ANKRD30B: variants seen among roughly 807,000 people sequenced by gnomAD.
ANKRD30B encodes the protein ankyrin repeat domain 30B.
In ANKRD30B, 144 loss-of-function variants were observed where a neutral mutation model predicts 202.2. The observed-to-expected ratio is 0.71, with a 90% CI of 0.62 to 0.82. The LOEUF (loss-of-function observed/expected upper bound fraction) is 0.82. Ranked by LOEUF, ANKRD30B falls within the 40% of genes least tolerant of loss-of-function variation. The pLI, the probability that ANKRD30B is intolerant of heterozygous loss-of-function variation, is 0.00. For missense variants in ANKRD30B, 1,487 were observed against 1,669.1 expected (o/e 0.89, Z 1.90); for synonymous variants, 508 against 561.3 (o/e 0.91, Z 1.34).
Position 14,808,559 on chromosome 18 carries a change from G to A in ANKRD30B, c.2293G>A (p.Asp765Asn), listed in dbSNP as rs566667663. ...TLSGKLEESP[D>N]KDGLLKPTCG... ...TGTCCCTTTTCTTTTAGAGTCTCCT[G>A]ATAAAGATGGTCTTCTGAAGGTAAT... is the stretch of plus-strand genomic sequence containing the variant. The change falls in exon 25 of 44, where the codon GAT becomes AAT. Residue 765 changes from aspartate to asparagine, a missense_variant. Around this residue, in one of 6 missense-constraint regions of ANKRD30B, gnomAD observed 218 missense variants for 320.1 expected, o/e 0.68. Transcript: ENST00000690538. 9.0e-5 allele frequency: 137 copies of A among 1,523,724 alleles called. 11 individuals carry two copies. In the African/African-American group the frequency reaches 1.7e-3, roughly 18 times the overall value. The allele number at this position is 1,523,724 out of a possible 1,614,324, so 94.4% of individuals were successfully genotyped here. A position where few individuals can be genotyped will look rare whatever the true frequency, so the allele number is the denominator to read the frequency against.
At chr18:14,910,862 A>G in the ANKRD30B span, among the ~76,000 whole-genome samples, 1 of 151,966 alleles carries the variant, frequency 6.6e-6, no homozygotes, top group Non-Finnish European at 1.5e-5. Context: ...TTCCATTTGC[A>G]TTTCTCTAAT....
Position 14,848,773 on chromosome 18 carries a change from A to T in ANKRD30B, c.3239A>T (p.Glu1080Val), listed in dbSNP as rs1259009932. The T allele has an allele frequency of 6.4e-7, 1 of 1,572,420 alleles. No homozygotes were observed. Among genetic ancestry groups the T allele is most frequent in the Admixed American group, 1.8e-5 (1 of 54,362 alleles). The change falls in exon 40 of 44, where the codon GAA (glutamate) becomes GTA (valine). Residue 1080 changes from glutamate (E) to valine (V), a missense_variant. Glu to Val is a moderately radical substitution (Grantham distance 121, BLOSUM62 -2). Transcript: ENST00000690538. ...DALPSCERGR[E>V]LKKDNCEQIT... ...CTTCCTTCTTGTGAAAGAGGAAGGG[A>T]ACTTAAAAAAGATAACTGTGAACAA...
chr18:14,910,985 C>CA, the ANKRD30B span, among the ~76,000 whole-genome samples: 2 of 151,924 alleles, frequency 1.3e-5, no homozygotes, highest in East Asian at 3.9e-4. Context: ...TTTTTATTCT[C>CA]ATTGAACTGT....
At chr18:14,864,210 C>G in the ANKRD30B span, among the ~76,000 whole-genome samples, 4 of 151,996 alleles carry the variant, frequency 2.6e-5, no homozygotes, top group African/African-American at 9.7e-5. Flanking sequence ...TGGTGCATGC[C>G]TGTAATCCCA....
Position 14,757,919 on chromosome 18 carries a change from C to G in ANKRD30B, c.722C>G (p.Ala241Gly). The G allele has an allele frequency of 2.5e-6, 4 of 1,607,984 alleles. No homozygotes were observed. The highest frequency in any genetic ancestry group is 2.5e-6 in the Non-Finnish European group (3 of 1,176,648). Residue 241 changes from alanine to glycine, a missense_variant, in exon 5 of 44, where the codon GCA becomes GGA. Ala to Gly is a moderately conservative substitution (Grantham distance 60, BLOSUM62 0). Around this residue, in one of 6 missense-constraint regions of ANKRD30B, gnomAD observed 889 missense variants for 841.4 expected, o/e 1.06. Transcript: ENST00000690538. ...VFAEDIHGIT[A>G]ERYAAACGVN... ...GCTGAAGACATACATGGAATAACTG[C>G]AGAACGTTATGCTGCTGCTTGTGGA...
the ANKRD30B span, among the ~76,000 whole-genome samples, chr18:14,914,943 G>A: frequency 6.6e-6 from 1 of 152,304 alleles, no homozygotes; most frequent in Non-Finnish European, 1.5e-5. Flanking sequence ...CCACAGGCTT[G>A]TATGACATAC....
chr18:14,836,865 C>G (rs1971197328), intron 34 of ANKRD30B, among the ~76,000 whole-genome samples: 1 of 151,780 alleles, frequency 6.6e-6, no homozygotes, highest in African/African-American at 2.4e-5. Flanking sequence ...CAATATGGCC[C>G]CATTATGGCA....
At position 14,798,192 on chromosome 18, in the gene ANKRD30B, G is replaced by A. The variant is rs537206919; in HGVS notation, c.2029+338G>A. On this transcript the variant is annotated intron_variant, in intron 20 of 43. Transcript: ENST00000690538. Reference sequence around the variant, plus strand: ...TGTCCAGGAGAATCACCGCCTTGTCGTCCCGTGGTGCCAACAATTCACTGG... The same window carrying A: ...TGTCCAGGAGAATCACCGCCTTGTCATCCCGTGGTGCCAACAATTCACTGG... Among the ~76,000 whole-genome samples, 10 of 148,560 alleles carry A rather than the reference G, an allele frequency of 6.7e-5. No homozygotes were observed. In the South Asian group the frequency reaches 8.5e-4, roughly 13 times the overall value.
the ANKRD30B span, among the ~76,000 whole-genome samples, chr18:14,909,275 A>T: frequency 2.0e-5 from 3 of 152,160 alleles, no homozygotes; most frequent in Admixed American, 6.5e-5. Flanking sequence ...CCAGTGTCCT[A>T]GGTGGAGGGA....
At chr18:14,816,433 CA>C (rs1218805482) in intron 30 of ANKRD30B, 1 of 152,008 alleles carries the variant, frequency 6.6e-6, no homozygotes, top group African/African-American at 2.4e-5. Context: ...ATCACGAGGT[CA>C]GCAGATCGAG....
intron 7 of ANKRD30B, among the ~76,000 whole-genome samples, chr18:14,766,314 A>T (rs1916133837): frequency 6.6e-6 from 1 of 151,764 alleles, no homozygotes; most frequent in Admixed American, 6.6e-5. Flanking sequence ...TCTACTAAAA[A>T]TACAAAAAAT....
chr18:14,939,846 T>C, the ANKRD30B span, among the ~76,000 whole-genome samples: 1 of 152,240 alleles, frequency 6.6e-6, no homozygotes, highest in Non-Finnish European at 1.5e-5. Context: ...GTGGAGGGAC[T>C]GCATACCCGC....
intron 28 of ANKRD30B, among the ~76,000 whole-genome samples, chr18:14,811,248 C>T (rs1053843213): frequency 2.0e-5 from 3 of 151,512 alleles, no homozygotes; most frequent in South Asian, 2.1e-4. Context: ...ATCTCGTTGT[C>T]TCGCCCAGGC....
Position 14,840,612 on chromosome 18 carries a change from A to C in ANKRD30B, c.3013A>C (p.Asn1005His). 1 of 1,527,600 alleles carries C rather than the reference A, an allele frequency of 6.5e-7. No homozygotes were observed. The highest frequency in any genetic ancestry group is 8.8e-7 in the Non-Finnish European group (1 of 1,130,830). 94.6% of individuals were successfully genotyped at this position (1,527,600 alleles called of 1,614,324 possible). Residue 1005 changes from asparagine to histidine, a missense_variant, in exon 37 of 44, where the codon AAT (asparagine) becomes CAT (histidine). Asn to His is a moderately conservative substitution (Grantham distance 68). Transcript: ENST00000690538. ...SEIISVSDTQNYECLPEATYQ... is the reference protein window; with the variant it reads ...SEIISVSDTQHYECLPEATYQ... ...GATTATCTCTGTGAGTGATACACAG[A>C]ATTATGAGTGTTTACCTGAGGCTAC... is the stretch of plus-strand genomic sequence containing the variant.
At chr18:14,901,315 G>C in the ANKRD30B span, among the ~76,000 whole-genome samples, 1 of 152,128 alleles carries the variant, frequency 6.6e-6, no homozygotes. Flanking sequence ...ACCATAACAA[G>C]TATTCTTGAA....
chr18:14,810,065 G>A, intron 27 of ANKRD30B, 43 bp from the exon 28 acceptor site: 2 of 1,463,646 alleles, frequency 1.4e-6, no homozygotes, highest in Non-Finnish European at 1.9e-6. Flanking sequence ...ATTTTATGAA[G>A]TATACATTAT....
intron 16 of ANKRD30B, 29 bp downstream of exon 16, chr18:14,791,520 AT>A (rs746032405): frequency 6.5e-7 from 1 of 1,529,834 alleles, no homozygotes; most frequent in East Asian, 2.3e-5. Context: ...TTAAAAAGTC[AT>A]TTGACCAAAT....
the ANKRD30B span, among the ~76,000 whole-genome samples, chr18:14,924,790 GGT>G: frequency 5.6e-4 from 85 of 152,332 alleles, no homozygotes; most frequent in Non-Finnish European, 7.3e-5. Context: ...GAAGATTCCT[GGT>G]GTTCCCCAGG....
intron 34 of ANKRD30B, among the ~76,000 whole-genome samples, chr18:14,832,120 C>T (rs1367383129): frequency 6.6e-6 from 1 of 151,952 alleles, no homozygotes; most frequent in Admixed American, 6.6e-5. Context: ...TTCCAGCTAC[C>T]AAGGAGGCTG....
Sources: gnomAD v4.1 joint callset for allele counts (sites outside exome capture counted in the v4.1 genomes callset) on GRCh38, gnomAD v4.1.1 for gene constraint, gnomAD v4.1.1 regional missense constraint, MANE v1.5 for transcripts, NCBI Gene and HGNC (gene_info 2026-07-23, HGNC 2026-07-21) for gene names.